ADAMTSL1: variants seen among roughly 807,000 people sequenced by gnomAD.
The protein encoded by ADAMTSL1 is ADAMTS-like protein 1.
A neutral mutation model predicts 201.8 loss-of-function variants in ADAMTSL1; 126 were observed. The observed-to-expected ratio is 0.62, with a 90% confidence interval of 0.54 to 0.72. The LOEUF is 0.72. Among genes scored for constraint, ADAMTSL1 ranks in the 30% least tolerant of loss-of-function variants. The pLI is 0.00. For missense variants in ADAMTSL1, 2,679 were observed against 2,277.8 expected, an observed-to-expected ratio of 1.18 and a Z score of -3.59; for synonymous variants, 1,121 against 903.4, an observed-to-expected ratio of 1.24 and a Z score of -4.32.
intron 1 of ADAMTSL1, among the ~76,000 whole-genome samples, chr9:18,002,258 C>T (rs1268094345): frequency 1.3e-5 from 2 of 151,864 alleles, no homozygotes; most frequent in African/African-American, 4.8e-5. Flanking sequence ...TATGGGTAGC[C>T]TCCATTTTTT....
chr9:18,290,936 G>A (rs369435137), intron 2 of ADAMTSL1, among the ~76,000 whole-genome samples: 3 of 151,812 alleles, frequency 2.0e-5, no homozygotes, highest in Non-Finnish European at 4.4e-5. Flanking sequence ...TGCCTGCCAC[G>A]GCGCCTGGCT....
intron 4 of ADAMTSL1, among the ~76,000 whole-genome samples, chr9:18,583,422 T>C (rs997113767): frequency 6.6e-6 from 1 of 152,112 alleles, no homozygotes; most frequent in Admixed American, 6.5e-5. Context: ...TCAGAAGATG[T>C]ATGGAAATAC....
chr9:18,210,557 A>T (rs1222003008), intron 2 of ADAMTSL1, among the ~76,000 whole-genome samples: 1 of 148,926 alleles, frequency 6.7e-6, no homozygotes, highest in Non-Finnish European at 1.5e-5. Flanking sequence ...GAATGCTAAG[A>T]TGGATTTGTT....
chr9:18,448,572 A>G (rs1193496587), intron 2 of ADAMTSL1, among the ~76,000 whole-genome samples: 1 of 152,224 alleles, frequency 6.6e-6, no homozygotes, highest in Non-Finnish European at 1.5e-5. Flanking sequence ...TTGCAAAGGA[A>G]GTTATATCTG....
chr9:18,817,238 G>A lies in ADAMTSL1; in HGVS notation c.3934+1G>A. The A allele has an allele frequency of 1.9e-6, 3 of 1,552,654 alleles. No individual in the cohort carries two copies. Among genetic ancestry groups the A allele is most frequent in the Non-Finnish European group, 2.6e-6 (3 of 1,147,548 alleles). On this transcript the variant is annotated splice_donor_variant, in intron 21 of 28. Coordinates refer to ENST00000380548, the MANE Select transcript of ADAMTSL1 (RefSeq NM_001040272.6). LOFTEE classifies it high-confidence loss of function. ...GTGACAATCAACTGCCAGGTTGCAG[G>A]TGAGAAATTAATGTTCATTTGTTCA...
chr9:18,469,274 G>A (rs1210170902), upstream of ADAMTSL1, among the ~76,000 whole-genome samples: 2 of 152,138 alleles, frequency 1.3e-5, no homozygotes, highest in Non-Finnish European at 2.9e-5. Context: ...TAGTGGTTAT[G>A]AACACAGATT....
In ADAMTSL1 at chr9:18,906,892, A is replaced by G. The variant is rs1830341998; in HGVS notation, c.5162A>G (p.Asn1721Ser). 6.2e-7 allele frequency: 1 copy of G among 1,613,870 alleles called. No individual in the cohort carries two copies. The highest frequency in any genetic ancestry group is 1.3e-5 in the African/African-American group (1 of 74,948). ...CGGCCTGCCAACTGGCAGCGCTGCA[A>G]CATCACCCCATGTGAAAACAGTATG... The part of the protein sequence containing the change: ...GPRPANWQRC[N>S]ITPCENMECR... Residue 1721 changes from asparagine (N) to serine (S), a missense_variant, in exon 28 of 29, where the codon AAC (asparagine) becomes AGC (serine). Physicochemically the swap from Asn to Ser is conservative, Grantham distance 46 (BLOSUM62 1). Coordinates refer to ENST00000380548, the MANE Select transcript of ADAMTSL1 (RefSeq NM_001040272.6).
chr9:18,680,720 G>C, intron 11 of ADAMTSL1: 2 of 584,790 alleles, frequency 3.4e-6, no homozygotes, highest in Non-Finnish European at 6.0e-6. Context: ...CTTTCTTCAA[G>C]TTTCTTCAAG....
chr9:17,937,248 T>C (rs1055448914), intron 1 of ADAMTSL1, among the ~76,000 whole-genome samples: 3 of 152,144 alleles, frequency 2.0e-5, no homozygotes, highest in African/African-American at 7.2e-5. Flanking sequence ...CTGCTCAATG[T>C]TGGCCTGATC....
intron 2 of ADAMTSL1, among the ~76,000 whole-genome samples, chr9:18,462,041 A>T (rs750249742): frequency 6.6e-6 from 1 of 152,194 alleles, no homozygotes; most frequent in Non-Finnish European, 1.5e-5. Flanking sequence ...GTTGAAAAAA[A>T]ATCTGTGTAT....
chr9:18,571,080 T>C (rs1046292168), intron 3 of ADAMTSL1, among the ~76,000 whole-genome samples: 4 of 152,220 alleles, frequency 2.6e-5, no homozygotes, highest in African/African-American at 7.2e-5. Flanking sequence ...AGGTCCTATT[T>C]TTCTTAGGAA....
chr9:18,275,736 C>G (rs1832561929), intron 2 of ADAMTSL1, among the ~76,000 whole-genome samples: 1 of 151,938 alleles, frequency 6.6e-6, no homozygotes, highest in Non-Finnish European at 1.5e-5. Context: ...TTAGATGTAC[C>G]AGAATTTGTT....
In ADAMTSL1 at chr9:18,684,807, T is replaced by C; in HGVS notation, c.1574+7T>C. ...CTGTGTCAGAGGAGCCCTCGTAAGTTGTAAAAGCACAGACTGTTCTATATT... is the reference window on the plus strand; with the variant it reads ...CTGTGTCAGAGGAGCCCTCGTAAGTCGTAAAAGCACAGACTGTTCTATATT... On this transcript the variant is annotated splice_region_variant and intron_variant, in intron 13 of 28. Coordinates refer to ENST00000380548, the MANE Select transcript of ADAMTSL1 (RefSeq NM_001040272.6). 5 of 1,607,632 alleles carry C rather than the reference T, an allele frequency of 3.1e-6. No individual in the cohort carries two copies. The highest frequency in any genetic ancestry group is 4.2e-6 in the Non-Finnish European group (5 of 1,177,194).
intron 2 of ADAMTSL1, among the ~76,000 whole-genome samples, chr9:18,404,217 G>A (rs1338818512): frequency 1.3e-5 from 2 of 151,986 alleles, no homozygotes; most frequent in Admixed American, 1.3e-4. Flanking sequence ...CTTTTTTAAA[G>A]TTATTTTATA....
At chr9:18,093,443 G>A (rs538962162) in intron 1 of ADAMTSL1, among the ~76,000 whole-genome samples, 27 of 152,230 alleles carry the variant, frequency 1.8e-4, no homozygotes, top group East Asian at 7.7e-4. Flanking sequence ...AACAAGGAGC[G>A]TTCAAATTCA....
At position 18,323,457 on chromosome 9, in the gene ADAMTSL1, T is replaced by C. The variant is rs541877479; in HGVS notation, c.207+159476T>C. ...TTAATGGTAAAATAGTAAATCCTTTTCCCCTTAAATTAGAGCAAATCAAGG... is the reference window on the plus strand; with the variant it reads ...TTAATGGTAAAATAGTAAATCCTTTCCCCCTTAAATTAGAGCAAATCAAGG... On this transcript the variant is annotated intron_variant, in intron 2 of 29. Transcript: ENST00000680146. Among the ~76,000 whole-genome samples, 70 of 152,194 alleles carry C rather than the reference T, an allele frequency of 4.6e-4. No individual in the cohort carries two copies. The South Asian group carries it at 0.013, about 29-fold the overall frequency.
intron 1 of ADAMTSL1, among the ~76,000 whole-genome samples, chr9:18,160,372 G>A (rs1391082594): frequency 3.3e-5 from 5 of 151,940 alleles, no homozygotes; most frequent in East Asian, 1.9e-4. Flanking sequence ...GGTTGAATCC[G>A]GAAGAGATTT....
intron 5 of ADAMTSL1, 90 bp from the exon 6 acceptor site, chr9:18,635,853 G>A: frequency 4.8e-6 from 5 of 1,049,014 alleles, no homozygotes; most frequent in Admixed American, 5.2e-5. Flanking sequence ...TAGTTTTTAA[G>A]GTATGGAAGT....
At chr9:18,124,087 T>G (rs1279194497) in intron 1 of ADAMTSL1, among the ~76,000 whole-genome samples, 1 of 144,272 alleles carries the variant, frequency 6.9e-6, no homozygotes, top group Non-Finnish European at 1.5e-5. Context: ...GTTTTTTTTT[T>G]TTTTTTTTTT....
Sources: allele counts gnomAD v4.1 joint callset (sites outside exome capture counted in the v4.1 genomes callset), GRCh38; gene constraint gnomAD v4.1.1; transcripts MANE v1.5; gene names NCBI Gene and HGNC (gene_info 2026-07-23, HGNC 2026-07-21).